The following SHISA9 variants were observed in gnomAD, a reference collection of about 807,000 sequenced individuals.
SHISA9 encodes shisa family member 9, also known as protein shisa-9.
A neutral mutation model predicts 38.0 loss-of-function variants in SHISA9; 13 were observed. That is an observed-to-expected ratio of 0.34 (90% confidence interval 0.22 to 0.54). The LOEUF is 0.54. Ranked by LOEUF, SHISA9 falls within the 20% of genes least tolerant of loss-of-function variation. SHISA9 has a pLI of 0.91. For synonymous variants in SHISA9, 275 were observed against 242.0 expected (o/e 1.14, Z -1.27); for missense variants, 538 against 575.8 (o/e 0.93, Z 0.67).
At chr16:13,287,236 A>C in the SHISA9 span, among the ~76,000 whole-genome samples, 27 of 152,166 alleles carry the variant, frequency 1.8e-4, no homozygotes, top group Admixed American at 1.7e-3. Flanking sequence ...GATGGAGAAG[A>C]GTGTGGATGG....
chr16:13,204,206 GTCTGTCTATCTA>G (rs1184243057), intron 3 of SHISA9, among the ~76,000 whole-genome samples: 1,786 of 138,142 alleles, frequency 0.013, 10 homozygotes, highest in Middle Eastern at 0.033. Flanking sequence ...TTATCTGTCT[GTCTGTCTATCTA>G]TCTATCTATC....
the SHISA9 span, among the ~76,000 whole-genome samples, chr16:13,313,271 A>AAAAAAAC: frequency 9.2e-5 from 14 of 151,816 alleles, no homozygotes; most frequent in African/African-American, 3.4e-4. Context: ...AAAAAAAAAA[A>AAAAAAAC]ACCCAGTTTT....
At chr16:13,492,679 T>C in the SHISA9 span, among the ~76,000 whole-genome samples, 662 of 152,308 alleles carry the variant, frequency 4.3e-3, 4 homozygotes, top group African/African-American at 0.015. Context: ...TACTAATTAT[T>C]GTTCAACTAA....
intron 2 of SHISA9, among the ~76,000 whole-genome samples, chr16:13,191,137 CA>C (rs34483572): frequency 2.6e-5 from 4 of 152,170 alleles, no homozygotes; most frequent in African/African-American, 9.6e-5. Context: ...GGATTTCCCT[CA>C]AAAAGGTTGC....
At position 13,239,831 on chromosome 16, in the gene SHISA9, T is replaced by G. The variant is rs533427629; in HGVS notation, c.*4422T>G. ...TTTCTTTTGCTGTGCAGAAGCTCTT[T>G]AGTTTAATTAGATCCCATTTGTCAA... On this transcript the variant is annotated 3_prime_UTR_variant, in exon 5 of 5. Coordinates refer to ENST00000558583, the MANE Select transcript of SHISA9 (RefSeq NM_001145204.3). The G allele has an allele frequency of 7.9e-5, 12 of 152,304 alleles. No homozygotes were observed. The highest frequency in any genetic ancestry group is 2.9e-4 in the African/African-American group (12 of 41,576). 9.4% of individuals were successfully genotyped at this position (152,304 alleles called of 1,614,324 possible).
chr16:12,905,949 G>A (rs1455471581), intron 1 of SHISA9, among the ~76,000 whole-genome samples: 1 of 152,200 alleles, frequency 6.6e-6, no homozygotes, highest in East Asian at 1.9e-4. Context: ...CTTTTCTGTG[G>A]TGCTGGGGCT....
chr16:13,473,709 C>T, the SHISA9 span, among the ~76,000 whole-genome samples: 1 of 152,110 alleles, frequency 6.6e-6, no homozygotes, highest in African/African-American at 2.4e-5. Flanking sequence ...GGTAATAAAA[C>T]TCTTATATTG....
the SHISA9 span, among the ~76,000 whole-genome samples, chr16:13,462,349 A>G: frequency 6.6e-6 from 1 of 152,230 alleles, no homozygotes; most frequent in Non-Finnish European, 1.5e-5. Flanking sequence ...AAGAAACAGC[A>G]TGTATAAAGG....
intron 2 of SHISA9, among the ~76,000 whole-genome samples, chr16:12,986,753 T>G (rs1375409181): frequency 6.6e-6 from 1 of 152,228 alleles, no homozygotes; most frequent in Non-Finnish European, 1.5e-5. Context: ...TTCTCTTATT[T>G]AGTCCTGACA....
chr16:13,534,689 C>G, the SHISA9 span, among the ~76,000 whole-genome samples: 3 of 152,210 alleles, frequency 2.0e-5, no homozygotes, highest in Admixed American at 2.0e-4. Context: ...ATGCCACACT[C>G]TTCTTCAGGG....
At chr16:12,959,618 A>G (rs761932222) in intron 2 of SHISA9, among the ~76,000 whole-genome samples, 9 of 152,212 alleles carry the variant, frequency 5.9e-5, no homozygotes, top group Non-Finnish European at 1.2e-4. Context: ...GCGGAGAGAG[A>G]TAACCATTGT....
chr16:13,280,944 A>C, the SHISA9 span, among the ~76,000 whole-genome samples: 1 of 151,870 alleles, frequency 6.6e-6, no homozygotes, highest in Non-Finnish European at 1.5e-5. Flanking sequence ...GAAATGGGAG[A>C]ATATATTAGG....
At chr16:12,994,092 G>A (rs2072425671) in intron 2 of SHISA9, among the ~76,000 whole-genome samples, 1 of 152,174 alleles carries the variant, frequency 6.6e-6, no homozygotes, top group East Asian at 1.9e-4. Context: ...ATCAGGATAT[G>A]GAATTTGGGT....
intron 2 of SHISA9, among the ~76,000 whole-genome samples, chr16:13,063,549 T>C (rs1477543155): frequency 1.3e-5 from 2 of 152,074 alleles, no homozygotes; most frequent in Admixed American, 1.3e-4. Flanking sequence ...GTCAATGAAA[T>C]AATGGCGCAG....
At chr16:13,394,279 AC>A in the SHISA9 span, among the ~76,000 whole-genome samples, 1 of 152,116 alleles carries the variant, frequency 6.6e-6, no homozygotes, top group African/African-American at 2.4e-5. Flanking sequence ...CCCTCTACAA[AC>A]CCATAAGCAG....
At chr16:13,113,500 T>G in intron 2 of SHISA9, among the ~76,000 whole-genome samples, 1 of 152,314 alleles carries the variant, frequency 6.6e-6, no homozygotes, top group South Asian at 2.1e-4. Context: ...AGCTTTGGTA[T>G]AGCATCTCTG....
At chr16:13,445,230 TAA>T in the SHISA9 span, among the ~76,000 whole-genome samples, 1 of 152,056 alleles carries the variant, frequency 6.6e-6, no homozygotes, top group East Asian at 1.9e-4. Flanking sequence ...CTCCTATTTA[TAA>T]GTTTGTCAAG....
At chr16:13,098,773 G>C (rs971126332) in intron 2 of SHISA9, among the ~76,000 whole-genome samples, 2 of 152,200 alleles carry the variant, frequency 1.3e-5, no homozygotes, top group Non-Finnish European at 2.9e-5. Context: ...AGATGAAATT[G>C]CAAAAAGGCT....
the SHISA9 span, among the ~76,000 whole-genome samples, chr16:13,283,073 A>G: frequency 6.6e-6 from 1 of 152,050 alleles, no homozygotes. Flanking sequence ...GTGGGTTTTA[A>G]TTGAATACTG....
Sources: allele counts gnomAD v4.1 joint callset (sites outside exome capture counted in the v4.1 genomes callset), GRCh38; gene constraint gnomAD v4.1.1; transcripts MANE v1.5; gene names NCBI Gene and HGNC (gene_info 2026-07-23, HGNC 2026-07-21).